ACSF2: variants seen among roughly 807,000 people sequenced by gnomAD.
The protein encoded by ACSF2 is acyl-CoA synthetase family member 2.
A neutral mutation model predicts 79.3 loss-of-function variants in ACSF2; 52 were observed. That is an observed-to-expected ratio of 0.66 (90% confidence interval 0.53 to 0.83). The LOEUF is 0.83. Ranked by LOEUF, ACSF2 falls within the 40% of genes least tolerant of loss-of-function variation. ACSF2 has a pLI of 0.00. For synonymous variants in ACSF2, 283 were observed against 312.6 expected, an observed-to-expected ratio of 0.91 and a Z score of 1.00; for missense variants, 661 against 803.3, an observed-to-expected ratio of 0.82 and a Z score of 2.14.
intron 1 of ACSF2, among the ~76,000 whole-genome samples, chr17:50,451,469 G>A (rs2031670544): frequency 6.6e-6 from 1 of 151,830 alleles, no homozygotes; most frequent in Admixed American, 6.6e-5. Flanking sequence ...ATTTTTTTGA[G>A]ACAGAGTTTT....
At chr17:50,449,317 C>G (rs2031509148) in intron 1 of ACSF2, among the ~76,000 whole-genome samples, 1 of 144,948 alleles carries the variant, frequency 6.9e-6, no homozygotes, top group African/African-American at 2.6e-5. Context: ...ACGCCCGGCC[C>G]AATATATAGT....
chr17:50,440,749 A>T (rs551335948), intron 1 of ACSF2, among the ~76,000 whole-genome samples: 75 of 152,378 alleles, frequency 4.9e-4, no homozygotes, highest in Middle Eastern at 3.4e-3. Context: ...TGGGCTGGGC[A>T]GGGCTAATGC....
rs762252818 is a variant in ACSF2 at position 50,461,205 on chromosome 17, C to A, written c.325-37C>A. 4 of 1,613,186 alleles carry A rather than the reference C, an allele frequency of 2.5e-6. No homozygotes were observed. The Admixed American group carries it at 6.7e-5, about 27-fold the overall frequency. On this transcript the variant is annotated intron_variant, in intron 2 of 15. Coordinates refer to ENST00000300441, the MANE Select transcript of ACSF2 (RefSeq NM_025149.6). The stretch of plus-strand genomic sequence containing the variant: ...GGAGTCTTGGGCCCCTTCCTGCTTG[C>A]CCCCTTTCACCCCTTGCGCCCCATC...
chr17:50,427,098 C>T (rs1403994469), intron 1 of ACSF2: 3 of 1,055,096 alleles, frequency 2.8e-6, no homozygotes, highest in Admixed American at 4.2e-5. Context: ...GGGCTGTTAG[C>T]TTCAGCAGCA....
chr17:50,461,746 C>T (rs570908717), intron 4 of ACSF2, 60 bp downstream of exon 4: 14 of 1,596,346 alleles, frequency 8.8e-6, no homozygotes, highest in Admixed American at 5.0e-5. Context: ...GCTGCACAGA[C>T]TCTGCTTGTC....
rs1322659789 is a variant in ACSF2 at position 50,438,191 on chromosome 17, T to G, written c.128+11802T>G. Among the ~76,000 whole-genome samples the G allele has an allele frequency of 5.3e-5, 8 of 152,246 alleles. 1 individual carries two copies. The highest frequency in any genetic ancestry group is 7.3e-5 in the Non-Finnish European group (5 of 68,052). The stretch of plus-strand genomic sequence containing the variant: ...ACCTATGTGCATCCTCCTATGTACT[T>G]TAGATAATCTCTAGACTACTTATAA... On this transcript the variant is annotated intron_variant, in intron 1 of 15. Transcript: ENST00000300441.
chr17:50,474,318 A>G lies in ACSF2; in HGVS notation c.1797+51A>G. On this transcript the variant is annotated intron_variant, in intron 15 of 15. Coordinates refer to ENST00000300441, the MANE Select transcript of ACSF2 (RefSeq NM_025149.6). The surrounding 1 kb of genome is among the most constrained non-coding windows in gnomAD (Gnocchi z 4.2). Reference sequence around the variant, plus strand: ...AGGGCAGCCTGGGCTCTGGGGCCCCATAGGGCCCCACCTCTGTTTCCTTCA... The same window carrying G: ...AGGGCAGCCTGGGCTCTGGGGCCCCGTAGGGCCCCACCTCTGTTTCCTTCA... The G allele has an allele frequency of 6.3e-7, 1 of 1,594,096 alleles. No homozygotes were observed.
At chr17:50,433,617 A>G (rs2030140475) in intron 1 of ACSF2, among the ~76,000 whole-genome samples, 1 of 152,080 alleles carries the variant, frequency 6.6e-6, no homozygotes, top group Non-Finnish European at 1.5e-5. Context: ...AACCTGCAGC[A>G]TGGATGCCTC....
At chr17:50,468,839 G>T (rs1016584143) in intron 10 of ACSF2, 7 of 1,464,200 alleles carry the variant, frequency 4.8e-6, no homozygotes, top group Non-Finnish European at 6.3e-6. Flanking sequence ...GGCCGGGGCT[G>T]GGGGCAGCAG....
intron 1 of ACSF2, among the ~76,000 whole-genome samples, chr17:50,434,507 C>T (rs551109107): frequency 2.6e-5 from 4 of 151,624 alleles, no homozygotes; most frequent in Admixed American, 6.6e-5. Context: ...GCCAACATGA[C>T]GAAAACCCAT....
intron 10 of ACSF2, chr17:50,468,729 A>C: frequency 6.2e-7 from 1 of 1,610,604 alleles, no homozygotes; most frequent in Non-Finnish European, 8.5e-7. Flanking sequence ...TCGCTGTGGC[A>C]GTGGCAGTTC....
chr17:50,449,408 T>C (rs1490612268), intron 1 of ACSF2, among the ~76,000 whole-genome samples: 1 of 147,002 alleles, frequency 6.8e-6, no homozygotes, highest in Non-Finnish European at 1.5e-5. Flanking sequence ...TTCATTTCCT[T>C]TTTTTTTTTT....
At position 50,466,827 on chromosome 17, in the gene ACSF2, C is replaced by T. The variant is rs371629066; in HGVS notation, c.1215+2533C>T. On this transcript the variant is annotated intron_variant, in intron 10 of 15. Coordinates refer to ENST00000300441, the MANE Select transcript of ACSF2 (RefSeq NM_025149.6). ...TGGCCTCCCCTGCCCCAAACCAGCC[C>T]CTAATTCGCTGCTCTGCTGCCCACT... Among the ~76,000 whole-genome samples the T allele has an allele frequency of 4.7e-3, 710 of 152,328 alleles. 4 individuals carry two copies. Among genetic ancestry groups the T allele is most frequent in the African/African-American group, 0.017 (695 of 41,560 alleles).
chr17:50,467,329 G>A (rs903470469), intron 10 of ACSF2, among the ~76,000 whole-genome samples: 2 of 152,210 alleles, frequency 1.3e-5, no homozygotes, highest in African/African-American at 4.8e-5. Flanking sequence ...TTGGGCCAAG[G>A]ATTGACAATA....
chr17:50,457,872 T>C (rs1288500659), intron 1 of ACSF2, among the ~76,000 whole-genome samples: 1 of 151,944 alleles, frequency 6.6e-6, no homozygotes, highest in Non-Finnish European at 1.5e-5. Flanking sequence ...AAGAGAGTGG[T>C]TGTCAAAGTG....
intron 10 of ACSF2, chr17:50,465,780 A>G (rs1257376486): frequency 6.2e-7 from 1 of 1,613,824 alleles, no homozygotes; most frequent in South Asian, 1.1e-5. Flanking sequence ...AGGCTGTCGA[A>G]GGGGAAGTTG....
intron 1 of ACSF2, among the ~76,000 whole-genome samples, chr17:50,436,249 C>T (rs1283861674): frequency 6.6e-6 from 1 of 151,726 alleles, no homozygotes; most frequent in African/African-American, 2.4e-5. Flanking sequence ...CCTGCCTCAG[C>T]CTCCCGAGTA....
Position 50,471,290 on chromosome 17 carries a change from G to C in ACSF2, c.1323+155G>C. 3.2e-6 allele frequency: 2 copies of C among 633,854 alleles called. No individual in the cohort carries two copies. Among genetic ancestry groups the C allele is most frequent in the Non-Finnish European group, 2.8e-6 (1 of 355,548 alleles). The allele number at this position is 633,854 out of a possible 1,614,324, so 39.3% of individuals were successfully genotyped here. A position where few individuals can be genotyped will look rare whatever the true frequency, so the allele number is the denominator to read the frequency against. The stretch of plus-strand genomic sequence containing the variant: ...GCAGGGGTGTGCTAGGCCTGGCCCG[G>C]AGTGTTCTCTGTGGGCTAAGCATGA... On this transcript the variant is annotated intron_variant, in intron 11 of 15. Transcript: ENST00000300441. The surrounding 1 kb of genome is among the most constrained non-coding windows in gnomAD (Gnocchi z 4.1).
intron 1 of ACSF2, among the ~76,000 whole-genome samples, chr17:50,453,394 G>A (rs139785753): frequency 6.6e-6 from 1 of 152,138 alleles, no homozygotes; most frequent in African/African-American, 2.4e-5. Flanking sequence ...TTTTAGTAGA[G>A]ACGGGGTTGC....
Sources: allele counts gnomAD v4.1 joint callset (sites outside exome capture counted in the v4.1 genomes callset), GRCh38; gene constraint gnomAD v4.1.1; non-coding constraint Gnocchi (gnomAD v3.1); transcripts MANE v1.5; gene names NCBI Gene and HGNC (gene_info 2026-07-23, HGNC 2026-07-21).